The following SLC30A2 variants were observed in gnomAD, a reference collection of about 807,000 sequenced individuals.
The protein encoded by SLC30A2 is solute carrier family 30 member 2, also known as proton-coupled zinc antiporter SLC30A2.
Under a neutral mutation model 39.6 loss-of-function variants are expected in SLC30A2, and 19 were observed. That is an observed-to-expected ratio of 0.48 (90% CI 0.34 to 0.70). The LOEUF is 0.70. Ranked by LOEUF, SLC30A2 falls within the 30% of genes least tolerant of loss-of-function variation. The pLI, the probability that SLC30A2 is intolerant of heterozygous loss-of-function variation, is 0.01. For missense variants in SLC30A2, 387 were observed against 479.4 expected (o/e 0.81, Z 1.80); for synonymous variants, 195 against 194.8 (o/e 1.00, Z -0.01).
intron 2 of SLC30A2, 26 bp from the exon 3 acceptor site, chr1:26,044,470 C>A (rs536286973): frequency 3.6e-5 from 58 of 1,608,594 alleles, no homozygotes; most frequent in Admixed American, 2.4e-4. Flanking sequence ...TCCTTATCAG[C>A]TCCCCCAGAG....
chr1:26,045,019 C>A lies in SLC30A2; in HGVS notation c.249G>T (p.Leu83Phe), dbSNP rs1256331078. 6.2e-7 allele frequency: 1 copy of A among 1,614,234 alleles called. No homozygotes were observed. Among genetic ancestry groups the A allele is most frequent in the Non-Finnish European group, 8.5e-7 (1 of 1,180,038 alleles). ...QLYVASAICL[L>F]FMIGEVVGGY... Reference sequence around the variant, plus strand: ...TACCAACGACTTCTCCGATCATGAACAACAGGCAGATGGCAGAGGCTACAT... The same window carrying A: ...TACCAACGACTTCTCCGATCATGAAAAACAGGCAGATGGCAGAGGCTACAT... Residue 83 changes from leucine (L) to phenylalanine (F), a missense_variant, in exon 2 of 8, where the codon TTG becomes TTT. Leu to Phe is a conservative substitution (Grantham distance 22). Coordinates refer to ENST00000374276, the MANE Select transcript of SLC30A2 (RefSeq NM_001004434.3).
In SLC30A2 at chr1:26,046,057, T is replaced by A; in HGVS notation, c.-161A>T. On this transcript the variant is annotated 5_prime_UTR_variant, in exon 1 of 8. Coordinates refer to ENST00000374276, the MANE Select transcript of SLC30A2 (RefSeq NM_001004434.3). This position sits in a 1 kb window ranked among gnomAD's most constrained non-coding sequence, Gnocchi z 4.4. The stretch of plus-strand genomic sequence containing the variant: ...CCTGCGGCCCCTGAGCTCCCCCGGC[T>A]CCCGCTGCGGCTGCAGCTCCGGCTC... 1.5e-6 allele frequency: 2 copies of A among 1,334,614 alleles called. No homozygotes were observed. Among genetic ancestry groups the A allele is most frequent in the Non-Finnish European group, 1.9e-6 (2 of 1,050,060 alleles). The allele number at this position is 1,334,614 out of a possible 1,614,324, so 82.7% of individuals were successfully genotyped here. A position where few individuals can be genotyped will look rare whatever the true frequency, so the allele number is the denominator to read the frequency against.
rs2050374891 is a variant in SLC30A2, at chr1:26,039,517, A to G, written c.974-212T>C. On this transcript the variant is annotated intron_variant, in intron 7 of 7. Coordinates refer to ENST00000374276, the MANE Select transcript of SLC30A2 (RefSeq NM_001004434.3). The surrounding 1 kb of genome is among the most constrained non-coding windows in gnomAD (Gnocchi z 4.3). ...CTGGTAAAGCACTGGCCTTAAGGCC[A>G]GGAATCTGCCACCTACTGCCATATA... Among the ~76,000 whole-genome samples, 1 of 152,264 alleles carries G rather than the reference A, an allele frequency of 6.6e-6. No individual in the cohort carries two copies. Among genetic ancestry groups the G allele is most frequent in the African/African-American group, 2.4e-5 (1 of 41,472 alleles).
intron 1 of SLC30A2, 34 bp downstream of exon 1, chr1:26,045,813 A>C (rs1320822872): frequency 1.2e-6 from 2 of 1,613,278 alleles, no homozygotes; most frequent in Admixed American, 3.3e-5. Flanking sequence ...GGCTGCCGCC[A>C]AAATTCCCGC....
At chr1:26,041,885 C>T (rs759178116) in intron 5 of SLC30A2, 80 bp from the exon 6 acceptor site, 77 of 855,718 alleles carry the variant, frequency 9.0e-5, no homozygotes, top group Non-Finnish European at 1.3e-4. Flanking sequence ...CCCAGCACTG[C>T]TGGGGAGAGG....
rs1329537893 is a variant in SLC30A2 at position 26,038,767 on chromosome 1, C to A, written c.*393G>T. 1 of 176,912 alleles carries A rather than the reference C, an allele frequency of 5.7e-6. No individual in the cohort carries two copies. The highest frequency in any genetic ancestry group is 5.6e-5 in the Admixed American group (1 of 17,724). 11.0% of individuals were successfully genotyped at this position (176,912 alleles called of 1,614,324 possible). Reference sequence around the variant, plus strand: ...ATGGAGGGGCTCAGATTCATAAAGGCAAAGGCCAGCCAGGCTGAGAATGGG... The same window carrying A: ...ATGGAGGGGCTCAGATTCATAAAGGAAAAGGCCAGCCAGGCTGAGAATGGG... On this transcript the variant is annotated 3_prime_UTR_variant, in exon 8 of 8. Coordinates refer to ENST00000374276, the MANE Select transcript of SLC30A2 (RefSeq NM_001004434.3).
At position 26,039,103 on chromosome 1, in the gene SLC30A2, C is replaced by T; in HGVS notation, c.*57G>A. The T allele has an allele frequency of 6.3e-7, 1 of 1,586,440 alleles. No individual in the cohort carries two copies. Among genetic ancestry groups the T allele is most frequent in the South Asian group, 1.1e-5 (1 of 89,158 alleles). The stretch of plus-strand genomic sequence containing the variant: ...AAGTCCTGGCTGGGCCTGGGGGACA[C>T]TCAGTCCAGCCACCTGCAGGTCCTG... On this transcript the variant is annotated 3_prime_UTR_variant, in exon 8 of 8. Coordinates refer to ENST00000374276, the MANE Select transcript of SLC30A2 (RefSeq NM_001004434.3). The surrounding 1 kb of genome is among the most constrained non-coding windows in gnomAD (Gnocchi z 4.3).
chr1:26,043,348 TGA>T, intron 4 of SLC30A2, 48 bp downstream of exon 4: 1 of 1,578,212 alleles, frequency 6.3e-7, no homozygotes, highest in South Asian at 1.1e-5. Flanking sequence ...GGTGTGGGTG[TGA>T]GAGGCGGGAG....
intron 6 of SLC30A2, among the ~76,000 whole-genome samples, chr1:26,040,227 C>G (rs2050381246): frequency 6.6e-6 from 1 of 152,136 alleles, no homozygotes; most frequent in Non-Finnish European, 1.5e-5. Flanking sequence ...GCACCTACTC[C>G]ATAGTAGGTG....
intron 5 of SLC30A2, 41 bp downstream of exon 5, chr1:26,042,508 A>T: frequency 6.3e-7 from 1 of 1,578,386 alleles, no homozygotes; most frequent in South Asian, 1.1e-5. Flanking sequence ...GGTGGTCTAC[A>T]CTCCCCTGCC....
intron 4 of SLC30A2, 24 bp downstream of exon 4, chr1:26,043,374 G>T (rs375201530): frequency 6.2e-7 from 1 of 1,607,310 alleles, no homozygotes; most frequent in South Asian, 1.1e-5. Context: ...GAGGGGAGAC[G>T]AGGGAAACTG....
chr1:26,045,210 T>A lies in SLC30A2; in HGVS notation c.58A>T (p.Thr20Ser). The change falls in exon 2 of 8, where the codon ACG (threonine) becomes TCG (serine). Residue 20 changes from threonine (T) to serine (S), a missense_variant. Thr to Ser is a moderately conservative substitution (Grantham distance 58). Coordinates refer to ENST00000374276, the MANE Select transcript of SLC30A2 (RefSeq NM_001004434.3). ...GCCCCTTCCTGCCACAGAGATCCCG[T>A]GTATGACCTGGCCAGAGGGGAAGAG... ...LDARPAIRSY[T>S]GSLWQEGAGW... 1 of 1,610,880 alleles carries A rather than the reference T, an allele frequency of 6.2e-7. No individual in the cohort carries two copies. The highest frequency in any genetic ancestry group is 2.2e-5 in the East Asian group (1 of 44,836).
At position 26,045,902 on chromosome 1, in the gene SLC30A2, C is replaced by A. The variant is rs769540619; in HGVS notation, c.-6G>T. ...TGCTTCTCCTTGGCCTCCATGCAGT[C>A]CCGCGCCGAGTCCCGGCAGCCGCGC... On this transcript the variant is annotated 5_prime_UTR_variant, in exon 1 of 8. Coordinates refer to ENST00000374276, the MANE Select transcript of SLC30A2 (RefSeq NM_001004434.3). 6.2e-7 allele frequency: 1 copy of A among 1,610,772 alleles called. No individual in the cohort carries two copies. The highest frequency in any genetic ancestry group is 8.5e-7 in the Non-Finnish European group (1 of 1,179,550).
chr1:26,043,453 T>C lies in SLC30A2; in HGVS notation c.517A>G (p.Ile173Val), dbSNP rs2050423310. 5 of 1,614,058 alleles carry C rather than the reference T, an allele frequency of 3.1e-6. No homozygotes were observed. Among genetic ancestry groups the C allele is most frequent in the Non-Finnish European group, 3.4e-6 (4 of 1,180,010 alleles). ...VERLISGDYE[I>V]DGGTMLITSG... The stretch of plus-strand genomic sequence containing the variant: ...GTGATCAGCATGGTCCCCCCGTCAA[T>C]TTCATAGTCCCCAGAGATCAGCCGC... The change falls in exon 4 of 8, where the codon ATT (isoleucine) becomes GTT (valine). Residue 173 changes from isoleucine (I) to valine (V), a missense_variant. Ile to Val is a conservative substitution (Grantham distance 29, BLOSUM62 3). Coordinates refer to ENST00000374276, the MANE Select transcript of SLC30A2 (RefSeq NM_001004434.3).
At position 26,041,828 on chromosome 1, in the gene SLC30A2, A is replaced by T. The variant is rs777996663; in HGVS notation, c.733-23T>A. 3 of 1,435,178 alleles carry T rather than the reference A, an allele frequency of 2.1e-6. No individual in the cohort carries two copies. The East Asian group carries it at 6.8e-5, about 33-fold the overall frequency. The allele number at this position is 1,435,178 out of a possible 1,614,324, so 88.9% of individuals were successfully genotyped here. A position where few individuals can be genotyped will look rare whatever the true frequency, so the allele number is the denominator to read the frequency against. ...TGGCTGCAGGAAGACAGGAAGGCAG[A>T]CCTGGAGTTCACCATCTAACACCTC... On this transcript the variant is annotated intron_variant, in intron 5 of 7. Coordinates refer to ENST00000374276, the MANE Select transcript of SLC30A2 (RefSeq NM_001004434.3).
rs765228175 is a variant in SLC30A2, at chr1:26,044,578, G to A, written c.272-134C>T. ...CTCTCTACCCATGAGCTGTACCACC[G>A]TGACAAGTGACCTACTCTCTCTGAG... is the stretch of plus-strand genomic sequence containing the variant. On this transcript the variant is annotated intron_variant, in intron 2 of 7. Coordinates refer to ENST00000374276, the MANE Select transcript of SLC30A2 (RefSeq NM_001004434.3). 71 of 789,074 alleles carry A rather than the reference G, an allele frequency of 9.0e-5. 1 individual carries two copies. Among genetic ancestry groups the A allele is most frequent in the Middle Eastern group, 3.8e-4 (1 of 2,650 alleles). 48.9% of individuals were successfully genotyped at this position (789,074 alleles called of 1,614,324 possible). A position where few individuals can be genotyped will look rare whatever the true frequency, so the allele number is the denominator to read the frequency against.
At chr1:26,045,700 A>C in intron 1 of SLC30A2, 147 bp downstream of exon 1, 3 of 1,346,146 alleles carry the variant, frequency 2.2e-6, no homozygotes, top group Non-Finnish European at 3.1e-6. Flanking sequence ...GCCACAGCCC[A>C]TTATCTTCGT....
chr1:26,039,726 G>A lies in SLC30A2; in HGVS notation c.973+51C>T. 2 of 1,588,520 alleles carry A rather than the reference G, an allele frequency of 1.3e-6. No homozygotes were observed. Among genetic ancestry groups the A allele is most frequent in the South Asian group, 1.1e-5 (1 of 88,384 alleles). ...CCTGGACCCGTTGGGGATGGCACTAGGCCTTTGGCTGCCTGTCTCCCACCC... is the reference window on the plus strand; with the variant it reads ...CCTGGACCCGTTGGGGATGGCACTAAGCCTTTGGCTGCCTGTCTCCCACCC... On this transcript the variant is annotated intron_variant, in intron 7 of 7. Coordinates refer to ENST00000374276, the MANE Select transcript of SLC30A2 (RefSeq NM_001004434.3). This position sits in a 1 kb window ranked among gnomAD's most constrained non-coding sequence, Gnocchi z 4.3.
Position 26,038,992 on chromosome 1 carries a change from AGATGGGAGGC to A in SLC30A2, c.*158_*167del. On this transcript the variant is annotated 3_prime_UTR_variant, in exon 8 of 8. Transcript: ENST00000374276. ...CTGAGTCCCCACCCTGGCTGTAGTC[AGATGGGAGGC>A]TGGGAAGAGCTCCATTCCTGGAGTG... The A allele has an allele frequency of 1.4e-6, 2 of 1,402,202 alleles. No homozygotes were observed. The highest frequency in any genetic ancestry group is 1.9e-6 in the Non-Finnish European group (2 of 1,076,348). 86.9% of individuals were successfully genotyped at this position (1,402,202 alleles called of 1,614,324 possible).
Sources: gnomAD v4.1 joint callset for allele counts (sites outside exome capture counted in the v4.1 genomes callset) on GRCh38, gnomAD v4.1.1 for gene constraint, Gnocchi (gnomAD v3.1) non-coding constraint, MANE v1.5 for transcripts, NCBI Gene and HGNC (gene_info 2026-07-23, HGNC 2026-07-21) for gene names.